Variants in SEC63 observed in about 807,000 individuals in gnomAD.
SEC63 encodes the protein SEC63 protein translocation regulator, also known as translocation protein SEC63 homolog.
Under a neutral mutation model 116.2 loss-of-function variants are expected in SEC63, and 56 were observed. The ratio of observed to expected loss-of-function variants is 0.48; its 90% CI spans 0.39 to 0.60. The LOEUF is 0.60. Among genes scored for constraint, SEC63 ranks in the 20% least tolerant of loss-of-function variants. The pLI, the probability that SEC63 is intolerant of heterozygous loss-of-function variation, is 0.00. For synonymous variants in SEC63, 273 were observed against 294.6 expected, an observed-to-expected ratio of 0.93 and a Z score of 0.75; for missense variants, 668 against 900.0, an observed-to-expected ratio of 0.74 and a Z score of 3.30.
chr6:107,906,612 C>T (rs376812155), intron 9 of SEC63, 32 bp from the exon 10 acceptor site: 109 of 1,607,544 alleles, frequency 6.8e-5, no homozygotes, highest in African/African-American at 1.3e-4. Context: ...TTCAAAAACA[C>T]GCTTTTTTTA....
chr6:107,916,515 TA>T (rs1319860795), intron 4 of SEC63, among the ~76,000 whole-genome samples: 1 of 152,238 alleles, frequency 6.6e-6, no homozygotes, highest in African/African-American at 2.4e-5. Flanking sequence ...CACAATTTGC[TA>T]TTATAACTTA....
intron 16 of SEC63, among the ~76,000 whole-genome samples, chr6:107,886,186 A>T (rs1562315865): frequency 6.6e-6 from 1 of 152,186 alleles, no homozygotes; most frequent in Non-Finnish European, 1.5e-5. Context: ...AAAGGACATG[A>T]ACTCATCCTT....
Position 107,870,732 on chromosome 6 carries a change from G to C in SEC63, c.*972C>G, listed in dbSNP as rs1302471108. ...AAGTGGATTGCCCTATTTATGTCCT[G>C]ATAGTAAAAAGACACACACCATTGA... On this transcript the variant is annotated 3_prime_UTR_variant, in exon 21 of 21. Coordinates refer to ENST00000369002, the MANE Select transcript of SEC63 (RefSeq NM_007214.5). 6.6e-6 allele frequency: 1 copy of C among 152,138 alleles called. No individual in the cohort carries two copies. The highest frequency in any genetic ancestry group is 1.5e-5 in the Non-Finnish European group (1 of 68,018). The allele number at this position is 152,138 out of a possible 1,614,324, so 9.4% of individuals were successfully genotyped here.
intron 12 of SEC63, among the ~76,000 whole-genome samples, chr6:107,901,931 A>T (rs980437290): frequency 3.3e-5 from 5 of 152,132 alleles, no homozygotes; most frequent in Non-Finnish European, 7.4e-5. Context: ...TAAAAGTAAA[A>T]ATAAACCTCA....
chr6:107,911,665 T>A (rs1008658983), intron 6 of SEC63, among the ~76,000 whole-genome samples: 15 of 152,232 alleles, frequency 9.9e-5, no homozygotes, highest in Admixed American at 4.6e-4. Context: ...ACCCAAGTAG[T>A]TCAGCTCTAG....
chr6:107,898,490 GA>G, intron 13 of SEC63, among the ~76,000 whole-genome samples: 1 of 151,840 alleles, frequency 6.6e-6, no homozygotes. Flanking sequence ...ATGTCTGTCT[GA>G]AAAAAATAAT....
At position 107,921,921 on chromosome 6, in the gene SEC63, C is replaced by CGGG. The variant is rs1554237230; in HGVS notation, c.340-13_340-12insCCC. The stretch of plus-strand genomic sequence containing the variant: ...GCTACTGTGGCTCCCTGGGGAAAAA[C>CGGG]AAAAAAAAAAAACAAGCTTTCTGTT... On this transcript the variant is annotated splice_polypyrimidine_tract_variant and intron_variant, in intron 3 of 20. Transcript: ENST00000369002. 0.15 allele frequency: 12,436 copies of CGGG among 82,952 alleles called. 753 individuals carry two copies. Among genetic ancestry groups the CGGG allele is most frequent in the South Asian group, 0.36 (1,166 of 3,282 alleles). The allele number at this position is 82,952 out of a possible 1,614,324, so 5.1% of individuals were successfully genotyped here.
chr6:107,884,455 G>A (rs1246420019), intron 16 of SEC63, among the ~76,000 whole-genome samples: 1 of 151,888 alleles, frequency 6.6e-6, no homozygotes, highest in East Asian at 1.9e-4. Context: ...ATAATGTTAC[G>A]CCAACAAATT....
At chr6:107,894,141 C>G (rs1362510073) in intron 14 of SEC63, among the ~76,000 whole-genome samples, 2 of 152,192 alleles carry the variant, frequency 1.3e-5, no homozygotes, top group Non-Finnish European at 2.9e-5. Context: ...AGTTTACAAA[C>G]ACAGTAAGGA....
At chr6:107,898,065 GACCA>G (rs1786907024) in intron 13 of SEC63, among the ~76,000 whole-genome samples, 1 of 152,006 alleles carries the variant, frequency 6.6e-6, no homozygotes, top group Non-Finnish European at 1.5e-5. Flanking sequence ...AGGAATTCGA[GACCA>G]GCAGGGCAAC....
intron 11 of SEC63, among the ~76,000 whole-genome samples, chr6:107,903,583 T>C (rs1787060634): frequency 6.6e-6 from 1 of 152,276 alleles, no homozygotes; most frequent in African/African-American, 2.4e-5. Flanking sequence ...TATGCACCTG[T>C]AGTTCCAGCT....
At position 107,869,989 on chromosome 6, in the gene SEC63, T is replaced by G. The variant is rs1195135297; in HGVS notation, c.*1715A>C. ...ATTGTTCTGTCTTGTCTGCTCAGTT[T>G]CCTTGCCTTCGTGCCACACCTGTTT... On this transcript the variant is annotated 3_prime_UTR_variant, in exon 21 of 21. Transcript: ENST00000369002. 6.6e-6 allele frequency: 1 copy of G among 152,238 alleles called. No homozygotes were observed. The highest frequency in any genetic ancestry group is 1.5e-5 in the Non-Finnish European group (1 of 68,030). 9.4% of individuals were successfully genotyped at this position (152,238 alleles called of 1,614,324 possible).
rs187607351 is a variant in SEC63, at chr6:107,939,520, G to A, written c.125-10006C>T. 7.6e-3 allele frequency among the ~76,000 whole-genome samples: 1,153 copies of A among 152,278 alleles called. 10 individuals carry two copies. The highest frequency in any genetic ancestry group is 0.011 in the Non-Finnish European group (778 of 68,034). ...TAATCCCAGCACTTTGGGAGGCCGA[G>A]GCAGACGGATCGCGTGAGGTCAGGA... On this transcript the variant is annotated intron_variant, in intron 1 of 20. Transcript: ENST00000369002.
intron 2 of SEC63, 78 bp downstream of exon 2, chr6:107,929,337 A>G: frequency 1.3e-6 from 1 of 764,730 alleles, no homozygotes; most frequent in Non-Finnish European, 2.3e-6. Context: ...TGACTTATTC[A>G]TCATTACACG....
At position 107,924,875 on chromosome 6, in the gene SEC63, G is replaced by C. The variant is rs1261481345; in HGVS notation, c.282C>G (p.Ser94=). The change falls in exon 3 of 21, where the codon TCC becomes TCG. Residue 94 remains serine (S), a synonymous_variant. Transcript: ENST00000369002. ...ATTCTTGGTATTCTCGGTCTGTTTTGGAAACTTTATATGCAAGGAATAAGA... is the reference window on the plus strand; with the variant it reads ...ATTCTTGGTATTCTCGGTCTGTTTTCGAAACTTTATATGCAAGGAATAAGA... ...ALFLFLAYKV[S]KTDREYQEYN... is the part of the protein sequence containing the mutation. The C allele has an allele frequency of 1.2e-6, 2 of 1,606,860 alleles. No homozygotes were observed. Among genetic ancestry groups the C allele is most frequent in the Non-Finnish European group, 1.7e-6 (2 of 1,173,684 alleles).
At chr6:107,882,273 T>C (rs1395948455) in intron 17 of SEC63, among the ~76,000 whole-genome samples, 9 of 152,158 alleles carry the variant, frequency 5.9e-5, no homozygotes, top group Non-Finnish European at 1.3e-4. Flanking sequence ...ACTACAGTGT[T>C]ACTTTTAGAT....
At chr6:107,934,700 C>T (rs1770162831) in intron 1 of SEC63, among the ~76,000 whole-genome samples, 1 of 40,296 alleles carries the variant, frequency 2.5e-5, no homozygotes, top group Non-Finnish European at 5.0e-5. Context: ...CGGCCAGCCG[C>T]CCCGTCCGGC....
intron 4 of SEC63, among the ~76,000 whole-genome samples, chr6:107,919,016 GT>G (rs1322189773): frequency 6.7e-6 from 1 of 148,150 alleles, no homozygotes; most frequent in South Asian, 2.2e-4. Context: ...GTTCAAGTGA[GT>G]CTCCTGCCTC....
chr6:107,913,293 T>C, intron 5 of SEC63, 73 bp downstream of exon 5: 1 of 962,046 alleles, frequency 1.0e-6, no homozygotes, highest in Non-Finnish European at 1.7e-6. Flanking sequence ...AATAATATTA[T>C]TCCTTTAATC....
Sources: allele counts gnomAD v4.1 joint callset (sites outside exome capture counted in the v4.1 genomes callset), GRCh38; gene constraint gnomAD v4.1.1; transcripts MANE v1.5; gene names NCBI Gene and HGNC (gene_info 2026-07-23, HGNC 2026-07-21).